Variants in NETO2 observed in about 807,000 individuals in gnomAD.
NETO2 encodes the protein neuropilin and tolloid like 2.
NETO2 carries 28 observed loss-of-function variants against 62.5 expected under a neutral mutation model. The observed-to-expected ratio is 0.45, with a 90% CI of 0.33 to 0.61. NETO2 has a LOEUF of 0.61. NETO2 is among the 20% of genes least tolerant of loss of function. NETO2 has a pLI of 0.02. For synonymous variants in NETO2, 214 were observed against 219.1 expected, an observed-to-expected ratio of 0.98 and a Z score of 0.21; for missense variants, 548 against 643.2, an observed-to-expected ratio of 0.85 and a Z score of 1.60.
At chr16:47,111,809 A>G (rs1963807163) in intron 6 of NETO2, among the ~76,000 whole-genome samples, 1 of 152,120 alleles carries the variant, frequency 6.6e-6, no homozygotes, top group Admixed American at 6.5e-5. Flanking sequence ...CACTAATTAG[A>G]TCATCTCTCT....
In NETO2 at chr16:47,082,829, T is replaced by C; in HGVS notation, c.*392A>G. On this transcript the variant is annotated 3_prime_UTR_variant, in exon 9 of 9. Coordinates refer to ENST00000562435, the MANE Select transcript of NETO2 (RefSeq NM_018092.5). Reference sequence around the variant, plus strand: ...AGAGAAAGGAAAAATAAAAGGAATGTAAAGAAAAATCAAGTTTATTGTGGC... The same window carrying C: ...AGAGAAAGGAAAAATAAAAGGAATGCAAAGAAAAATCAAGTTTATTGTGGC... 6.0e-6 allele frequency: 1 copy of C among 167,652 alleles called. No individual in the cohort carries two copies. Among genetic ancestry groups the C allele is most frequent in the Non-Finnish European group, 1.3e-5 (1 of 78,764 alleles). The allele number at this position is 167,652 out of a possible 1,614,324, so 10.4% of individuals were successfully genotyped here. A position where few individuals can be genotyped will look rare whatever the true frequency, so the allele number is the denominator to read the frequency against.
At chr16:47,130,713 C>A (rs1042440462) in intron 2 of NETO2, among the ~76,000 whole-genome samples, 1 of 152,078 alleles carries the variant, frequency 6.6e-6, no homozygotes, top group Non-Finnish European at 1.5e-5. Flanking sequence ...CAAACTATGA[C>A]CCTGGGCCAA....
chr16:47,103,079 G>GCA (rs1963590689), intron 7 of NETO2, among the ~76,000 whole-genome samples: 1 of 152,106 alleles, frequency 6.6e-6, no homozygotes, highest in African/African-American at 2.4e-5. Flanking sequence ...AGAAAATGTG[G>GCA]CACATATATA....
intron 1 of NETO2, among the ~76,000 whole-genome samples, chr16:47,139,096 G>A (rs1964415617): frequency 6.6e-6 from 1 of 152,194 alleles, no homozygotes; most frequent in African/African-American, 2.4e-5. Flanking sequence ...CTTCTCACTA[G>A]AAAGAAGGGC....
chr16:47,131,052 G>C (rs1455159007), intron 2 of NETO2, among the ~76,000 whole-genome samples: 4 of 149,618 alleles, frequency 2.7e-5, no homozygotes, highest in Non-Finnish European at 5.9e-5. Context: ...ATGGAGGAAA[G>C]GGAATTTTAA....
rs1257939348 is a variant in NETO2, at chr16:47,109,801, C to T, written c.655-90G>A. On this transcript the variant is annotated intron_variant, in intron 6 of 8. Transcript: ENST00000562435. ...ATTTTCCACAGACAACATGGGACAC[C>T]GAATGACAGCTGACAGAAAACCATA... is the stretch of plus-strand genomic sequence containing the variant. 48 of 833,366 alleles carry T rather than the reference C, an allele frequency of 5.8e-5. No homozygotes were observed. The South Asian group carries it at 7.3e-4, about 13-fold the overall frequency. 51.6% of individuals were successfully genotyped at this position (833,366 alleles called of 1,614,324 possible). A position where few individuals can be genotyped will look rare whatever the true frequency, so the allele number is the denominator to read the frequency against.
At chr16:47,085,548 A>AT (rs1963168365) in intron 8 of NETO2, among the ~76,000 whole-genome samples, 1 of 150,994 alleles carries the variant, frequency 6.6e-6, no homozygotes, top group Non-Finnish European at 1.5e-5. Context: ...CGCCTAGCTG[A>AT]TTTTTTTGTG....
At chr16:47,119,308 C>T (rs759061753) in intron 6 of NETO2, among the ~76,000 whole-genome samples, 23 of 151,832 alleles carry the variant, frequency 1.5e-4, no homozygotes, top group Non-Finnish European at 2.1e-4. Flanking sequence ...CCCGCCACCA[C>T]GCCCGGCTAA....
chr16:47,089,260 A>G (rs567037988), intron 7 of NETO2, among the ~76,000 whole-genome samples: 109 of 152,340 alleles, frequency 7.2e-4, no homozygotes, highest in Admixed American at 1.2e-3. Context: ...ATAGCTACGA[A>G]CTGTGAAGGA....
At chr16:47,119,486 A>G (rs558543006) in intron 6 of NETO2, among the ~76,000 whole-genome samples, 9 of 151,568 alleles carry the variant, frequency 5.9e-5, no homozygotes, top group African/African-American at 1.7e-4. Flanking sequence ...CAATCTTGGC[A>G]TAAGTCTGCC....
At chr16:47,134,158 G>A (rs894363754) in intron 1 of NETO2, among the ~76,000 whole-genome samples, 4 of 152,172 alleles carry the variant, frequency 2.6e-5, no homozygotes, top group Non-Finnish European at 5.9e-5. Flanking sequence ...TCAATAGCAC[G>A]TACTGGGTGT....
chr16:47,101,314 C>A (rs1963538080), intron 7 of NETO2, among the ~76,000 whole-genome samples: 1 of 152,090 alleles, frequency 6.6e-6, no homozygotes, highest in Non-Finnish European at 1.5e-5. Context: ...TATGACAAAC[C>A]CACAGCCAAT....
At position 47,143,595 on chromosome 16, in the gene NETO2, G is replaced by C. The variant is rs1281961085; in HGVS notation, c.18C>G (p.Leu6=). The change falls in exon 1 of 9, where the codon CTC becomes CTG. Residue 6 remains leucine (L), a synonymous_variant. Coordinates refer to ENST00000562435, the MANE Select transcript of NETO2 (RefSeq NM_018092.5). The part of the protein sequence containing the change: MALER[L]CSVLKVLLIT... ...GGTCCTTACCTTTGAGGACCGAGCA[G>C]AGCCGCTCCAGGGCCATGTTCCCGA... 8.2e-7 allele frequency: 1 copy of C among 1,222,938 alleles called. No individual in the cohort carries two copies. The highest frequency in any genetic ancestry group is 3.3e-5 in the East Asian group (1 of 30,462). The allele number at this position is 1,222,938 out of a possible 1,614,324, so 75.8% of individuals were successfully genotyped here. A position where few individuals can be genotyped will look rare whatever the true frequency, so the allele number is the denominator to read the frequency against.
rs950892790 is a variant in NETO2, at chr16:47,081,121, T to C, written c.*2100A>G. Reference sequence around the variant, plus strand: ...AGTTACAAGTGACTATAGTTTAGCATACTGTATTATTTGCTATTATAATCT... The same window carrying C: ...AGTTACAAGTGACTATAGTTTAGCACACTGTATTATTTGCTATTATAATCT... On this transcript the variant is annotated 3_prime_UTR_variant, in exon 9 of 9. Coordinates refer to ENST00000562435, the MANE Select transcript of NETO2 (RefSeq NM_018092.5). 2 of 152,228 alleles carry C rather than the reference T, an allele frequency of 1.3e-5. No homozygotes were observed. The highest frequency in any genetic ancestry group is 1.9e-4 in the East Asian group (1 of 5,208). 9.4% of individuals were successfully genotyped at this position (152,228 alleles called of 1,614,324 possible). A position where few individuals can be genotyped will look rare whatever the true frequency, so the allele number is the denominator to read the frequency against.
In NETO2 at chr16:47,082,977, C is replaced by T; in HGVS notation, c.*244G>A. 2.5e-6 allele frequency: 1 copy of T among 401,682 alleles called. No homozygotes were observed. Among genetic ancestry groups the T allele is most frequent in the Non-Finnish European group, 4.4e-6 (1 of 227,132 alleles). The allele number at this position is 401,682 out of a possible 1,614,324, so 24.9% of individuals were successfully genotyped here. Reference sequence around the variant, plus strand: ...TAATGCTCTTTAACTGGCAGTGCTTCCTATAAATGACACCAAGCAATAGAG... The same window carrying T: ...TAATGCTCTTTAACTGGCAGTGCTTTCTATAAATGACACCAAGCAATAGAG... On this transcript the variant is annotated 3_prime_UTR_variant, in exon 9 of 9. Transcript: ENST00000562435.
rs1381005947 is a variant in NETO2, at chr16:47,080,478, A to G, written c.*2743T>C. 5.9e-5 allele frequency: 9 copies of G among 152,214 alleles called. No homozygotes were observed. The highest frequency in any genetic ancestry group is 4.1e-4 in the South Asian group (2 of 4,836). The allele number at this position is 152,214 out of a possible 1,614,324, so 9.4% of individuals were successfully genotyped here. On this transcript the variant is annotated 3_prime_UTR_variant, in exon 9 of 9. Transcript: ENST00000562435. ...TGGCTTTCATTTTAGTAAGCAATTT[A>G]TAAAGTTTTCTCACTGATCTCAAAG...
At position 47,128,452 on chromosome 16, in the gene NETO2, T is replaced by C. The variant is rs756192672; in HGVS notation, c.354A>G (p.Ile118Met). ...RDGPFGFSPL[I>M]DRYCGVKSPP... ...GGCTTTTCACGCCACAGTAACGATC[T>C]ATAAGAGGAGAGAAACCAAATGGCC... is the stretch of plus-strand genomic sequence containing the variant. Residue 118 changes from isoleucine to methionine, a missense_variant, in exon 4 of 9, where the codon ATA becomes ATG. Transcript: ENST00000562435. 3.1e-6 allele frequency: 5 copies of C among 1,614,088 alleles called. No homozygotes were observed. Among genetic ancestry groups the C allele is most frequent in the South Asian group, 1.1e-5 (1 of 91,078 alleles).
chr16:47,122,510 A>G, intron 6 of NETO2, 147 bp downstream of exon 6: 1 of 850,538 alleles, frequency 1.2e-6, no homozygotes, highest in Non-Finnish European at 1.8e-6. Context: ...AGATGCCAAT[A>G]AAGTAAGTGA....
At chr16:47,092,938 T>C (rs748502956) in intron 7 of NETO2, among the ~76,000 whole-genome samples, 5 of 152,200 alleles carry the variant, frequency 3.3e-5, no homozygotes, top group African/African-American at 1.2e-4. Flanking sequence ...TTAGCCTTCA[T>C]TGAATGGGTC....
Sources: gnomAD v4.1 joint callset for allele counts (sites outside exome capture counted in the v4.1 genomes callset) on GRCh38, gnomAD v4.1.1 for gene constraint, MANE v1.5 for transcripts, NCBI Gene and HGNC (gene_info 2026-07-23, HGNC 2026-07-21) for gene names.